The following DNAAF19 variants were observed in gnomAD, a reference collection of about 807,000 sequenced individuals.
DNAAF19 encodes the protein coiled-coil domain containing 103.
chr17:44,900,222 G>A, the DNAAF19 span, among the ~76,000 whole-genome samples: 1 of 151,838 alleles, frequency 6.6e-6, no homozygotes, highest in Admixed American at 6.6e-5. Flanking sequence ...CTTGAACCCC[G>A]GAGGCAGAGG....
chr17:44,899,903 A>C, the DNAAF19 span: 3 of 152,216 alleles, frequency 2.0e-5, no homozygotes, highest in Non-Finnish European at 2.9e-5. Context: ...TGAGAACTGG[A>C]CACCTGATTT....
chr17:44,904,232 G>A, the DNAAF19 span: 11 of 1,550,536 alleles, frequency 7.1e-6, no homozygotes, highest in Admixed American at 5.9e-5. Flanking sequence ...CTACTTTTAC[G>A]CCTACGATGT....
the DNAAF19 span, chr17:44,904,787 ATGAGGG>A: frequency 1.3e-6 from 2 of 1,550,520 alleles, no homozygotes; most frequent in Non-Finnish European, 8.7e-7. Flanking sequence ...CAACAGGTCC[ATGAGGG>A]TGTTCATTGA....
chr17:44,902,807 A>T, the DNAAF19 span: 1 of 1,548,680 alleles, frequency 6.5e-7, no homozygotes, highest in Admixed American at 2.0e-5. Context: ...GAGCTGTACC[A>T]GGTTGACTGA....
chr17:44,903,054 T>G, the DNAAF19 span: 1 of 1,387,170 alleles, frequency 7.2e-7, no homozygotes, highest in Non-Finnish European at 9.3e-7. Flanking sequence ...TGAGAGCGGT[T>G]TTGTTTCCCA....
chr17:44,903,457 C>T, the DNAAF19 span: 1 of 1,255,942 alleles, frequency 8.0e-7, no homozygotes, highest in Non-Finnish European at 1.0e-6. Flanking sequence ...GCTGGCAGGG[C>T]AGGGCCTGGA....
the DNAAF19 span, chr17:44,903,906 T>A: frequency 6.4e-7 from 1 of 1,550,562 alleles, no homozygotes; most frequent in Non-Finnish European, 8.7e-7. Context: ...AAGGAAAACA[T>A]TTTTCAGAGG....
the DNAAF19 span, among the ~76,000 whole-genome samples, chr17:44,901,316 A>G: frequency 1.1e-3 from 174 of 152,394 alleles, no homozygotes; most frequent in African/African-American, 3.9e-3. Context: ...AGTAACTGTT[A>G]TAATTAAATG....
the DNAAF19 span, chr17:44,901,485 A>C: frequency 6.2e-7 from 1 of 1,612,950 alleles, no homozygotes; most frequent in Non-Finnish European, 8.5e-7. Flanking sequence ...ACACAGCATT[A>C]AGTCCATTGC....
chr17:44,903,012 T>A, the DNAAF19 span: 1 of 1,424,684 alleles, frequency 7.0e-7, no homozygotes, highest in Non-Finnish European at 9.1e-7. Context: ...TTGAACTGTG[T>A]GTATCCATGG....
the DNAAF19 span, chr17:44,904,557 G>A: frequency 6.4e-7 from 1 of 1,550,626 alleles, no homozygotes; most frequent in Admixed American, 2.0e-5. Flanking sequence ...TTAGTACCCT[G>A]TGAGAAGACA....
the DNAAF19 span, chr17:44,902,220 GGCC>G: frequency 9.2e-7 from 1 of 1,084,132 alleles, no homozygotes; most frequent in Non-Finnish European, 1.4e-6. Context: ...CTGAAAATGA[GGCC>G]GCCAAGGACC....
At chr17:44,900,421 G>T in the DNAAF19 span, among the ~76,000 whole-genome samples, 1 of 152,162 alleles carries the variant, frequency 6.6e-6, no homozygotes, top group African/African-American at 2.4e-5. Flanking sequence ...CCCTGGGCTG[G>T]ACAGAGGGAT....
At chr17:44,901,139 C>G in the DNAAF19 span, 1 of 1,602,904 alleles carries the variant, frequency 6.2e-7, no homozygotes, top group Non-Finnish European at 8.5e-7. Flanking sequence ...ATGAGGAGTT[C>G]AGGTTGGCTC....
the DNAAF19 span, chr17:44,901,260 G>A: frequency 8.0e-7 from 1 of 1,248,842 alleles, no homozygotes; most frequent in Admixed American, 2.9e-5. Context: ...TTGATCTTAT[G>A]CAATTTCCTT....
At chr17:44,903,447 G>A in the DNAAF19 span, 1 of 1,252,510 alleles carries the variant, frequency 8.0e-7, no homozygotes, top group African/African-American at 1.5e-5. Context: ...TTTCCACCAG[G>A]CTGGCAGGGC....
the DNAAF19 span, chr17:44,901,592 C>T: frequency 6.2e-7 from 1 of 1,614,196 alleles, no homozygotes; most frequent in Non-Finnish European, 8.5e-7. Context: ...GAACTGTGCC[C>T]TGGAACTGTC....
the DNAAF19 span, chr17:44,904,448 G>GC: frequency 6.5e-7 from 1 of 1,542,718 alleles, no homozygotes; most frequent in African/African-American, 1.4e-5. Context: ...CTACCTCAAG[G>GC]CCGTGCCCGA....
At chr17:44,901,674 T>G in the DNAAF19 span, 1 of 1,612,300 alleles carries the variant, frequency 6.2e-7, no homozygotes, top group South Asian at 1.1e-5. Context: ...CCTGCCCCTT[T>G]AGTCCAGCAG....
Sources: gnomAD v4.1 joint callset for allele counts (sites outside exome capture counted in the v4.1 genomes callset) on GRCh38, gnomAD v4.1.1 for gene constraint, MANE v1.5 for transcripts, NCBI Gene and HGNC (gene_info 2026-07-23, HGNC 2026-07-21) for gene names.